Variants in ZNF217 observed in about 807,000 individuals in gnomAD.
The protein encoded by ZNF217 is zinc finger protein 217.
A neutral mutation model predicts 73.3 loss-of-function variants in ZNF217; 12 were observed. The observed-to-expected ratio is 0.16, with a 90% CI of 0.10 to 0.27. The LOEUF (loss-of-function observed/expected upper bound fraction) is 0.27, where lower values mean the gene tolerates loss of function less well. Among genes scored for constraint, ZNF217 ranks in the 10% least tolerant of loss-of-function variants. ZNF217 has a pLI of 1.00. For missense variants in ZNF217, 1,195 were observed against 1,327.8 expected, an observed-to-expected ratio of 0.90 and a Z score of 1.55; for synonymous variants, 588 against 516.4, an observed-to-expected ratio of 1.14 and a Z score of -1.88.
At chr20:53,595,073 C>T (rs1338002456), upstream of ZNF217, among the ~76,000 whole-genome samples, 20 of 148,654 alleles carry the variant, frequency 1.3e-4, no homozygotes, top group East Asian at 3.8e-3. Flanking sequence ...AAACCGCTAC[C>T]CTTTCCCCTC....
At chr20:53,571,598 G>T in intron 5 of ZNF217, 123 bp downstream of exon 5, 1 of 1,225,400 alleles carries the variant, frequency 8.2e-7, no homozygotes. Flanking sequence ...TACAGACAGG[G>T]GTTTCACCAT....
In ZNF217 at chr20:53,576,860, T is replaced by C; in HGVS notation, c.1904A>G (p.Gln635Arg). The C allele has an allele frequency of 2.5e-6, 4 of 1,614,210 alleles. No homozygotes were observed. Among genetic ancestry groups the C allele is most frequent in the South Asian group, 1.1e-5 (1 of 91,088 alleles). The change falls in exon 4 of 6, where the codon CAG becomes CGG. Residue 635 changes from glutamine to arginine, a missense_variant. This residue lies in a region of ZNF217 where 649 missense variants were observed against 642.8 expected (regional missense o/e 1.01). Coordinates refer to ENST00000371471, the MANE Select transcript of ZNF217 (RefSeq NM_006526.3). ...LLKKRSAVET[Q>R]ANNLICRTKA... ...GGTTCTACAGATGAGGTTATTTGCCTGAGTTTCAACTGCTGATCTCTTTTT... is the reference window on the plus strand; with the variant it reads ...GGTTCTACAGATGAGGTTATTTGCCCGAGTTTCAACTGCTGATCTCTTTTT...
upstream of ZNF217, among the ~76,000 whole-genome samples, chr20:53,597,083 C>CAAA (rs11483077): frequency 2.5e-5 from 3 of 120,788 alleles, no homozygotes; most frequent in East Asian, 2.2e-4. Flanking sequence ...AGTAACATAA[C>CAAA]AAAAAAAAAA....
intron 1 of ZNF217, among the ~76,000 whole-genome samples, chr20:53,593,029 A>AG (rs557162237): frequency 6.6e-6 from 1 of 151,538 alleles, no homozygotes; most frequent in Non-Finnish European, 1.5e-5. Flanking sequence ...AAATTAGAGG[A>AG]GGGAAAAAAA....
rs748715037 is a variant in ZNF217 at position 53,577,287 on chromosome 20, C to T, written c.1484-7G>A. The T allele has an allele frequency of 6.3e-6, 10 of 1,592,492 alleles. No individual in the cohort carries two copies. In the African/African-American group the frequency reaches 9.4e-5, roughly 15 times the overall value. On this transcript the variant is annotated splice_region_variant and splice_polypyrimidine_tract_variant and intron_variant, in intron 3 of 5. Coordinates refer to ENST00000371471, the MANE Select transcript of ZNF217 (RefSeq NM_006526.3). Reference sequence around the variant, plus strand: ...CATTTGTATGGTTTTTCACCTAAGGCAAGAAATGGCACTTTATTATAGAAG... The same window carrying T: ...CATTTGTATGGTTTTTCACCTAAGGTAAGAAATGGCACTTTATTATAGAAG...
chr20:53,594,745 C>G (rs573290042), upstream of ZNF217, among the ~76,000 whole-genome samples: 1,313 of 152,254 alleles, frequency 8.6e-3, 12 homozygotes, highest in Non-Finnish European at 0.014. Flanking sequence ...GCCCGCGGCC[C>G]GAACCCCTGG....
At chr20:53,586,352 A>G (rs1443543072) in intron 1 of ZNF217, among the ~76,000 whole-genome samples, 2 of 152,234 alleles carry the variant, frequency 1.3e-5, no homozygotes, top group Non-Finnish European at 2.9e-5. Flanking sequence ...CTACATGGCT[A>G]TCAGCGACTG....
chr20:53,577,299 C>T lies in ZNF217; in HGVS notation c.1484-19G>A, dbSNP rs1988320009. ...TTTTCACCTAAGGCAAGAAATGGCA[C>T]TTTATTATAGAAGTGTATGAAAAGC... On this transcript the variant is annotated intron_variant, in intron 3 of 5. Coordinates refer to ENST00000371471, the MANE Select transcript of ZNF217 (RefSeq NM_006526.3). 1 of 1,586,360 alleles carries T rather than the reference C, an allele frequency of 6.3e-7. No individual in the cohort carries two copies. The highest frequency in any genetic ancestry group is 1.7e-5 in the Admixed American group (1 of 58,516).
At chr20:53,583,672 C>A (rs1270789239) in intron 1 of ZNF217, among the ~76,000 whole-genome samples, 12 of 152,208 alleles carry the variant, frequency 7.9e-5, no homozygotes, top group African/African-American at 2.9e-4. Flanking sequence ...TGCCCAAACA[C>A]CCCCTTAGAG....
intron 5 of ZNF217, 58 bp from the exon 6 acceptor site, chr20:53,569,322 A>T: frequency 8.4e-7 from 1 of 1,188,366 alleles, no homozygotes; most frequent in Non-Finnish European, 1.1e-6. Context: ...AGTTTAGAAA[A>T]TTCTTTCTTT....
Position 53,576,686 on chromosome 20 carries a change from G to A in ZNF217, c.2078C>T (p.Ala693Val). 6.2e-7 allele frequency: 1 copy of A among 1,614,218 alleles called. No homozygotes were observed. Among genetic ancestry groups the A allele is most frequent in the Non-Finnish European group, 8.5e-7 (1 of 1,180,040 alleles). Reference protein sequence around the residue: ...HEKPLNLSVGALHNCPAISLS... With the variant: ...HEKPLNLSVGVLHNCPAISLS... ...AGAAATTGCCGGGCAATTGTGAAGA[G>A]CCCCCACGGATAAATTTAAAGGTTT... The change falls in exon 4 of 6, where the codon GCT (alanine) becomes GTT (valine). Residue 693 changes from alanine (A) to valine (V), a missense_variant. Around this residue, in one of 9 missense-constraint regions of ZNF217, gnomAD observed 649 missense variants for 642.8 expected, o/e 1.01. Coordinates refer to ENST00000371471, the MANE Select transcript of ZNF217 (RefSeq NM_006526.3).
intron 1 of ZNF217, among the ~76,000 whole-genome samples, chr20:53,591,336 A>G (rs1460095715): frequency 2.6e-5 from 4 of 152,246 alleles, no homozygotes; most frequent in African/African-American, 9.6e-5. Flanking sequence ...TAAAAGTCAT[A>G]TCTTGTCCTC....
At chr20:53,588,823 A>C (rs1988789083) in intron 1 of ZNF217, among the ~76,000 whole-genome samples, 1 of 152,154 alleles carries the variant, frequency 6.6e-6, no homozygotes, top group Admixed American at 6.5e-5. Flanking sequence ...CTACATACTA[A>C]AGTTGTATAT....
chr20:53,597,444 C>T (rs1398612452), upstream of ZNF217, among the ~76,000 whole-genome samples: 1 of 152,160 alleles, frequency 6.6e-6, no homozygotes, highest in Non-Finnish European at 1.5e-5. Flanking sequence ...ACAGGGACAG[C>T]CCTTTGAACA....
In ZNF217 at chr20:53,567,215, A is replaced by C. The variant is rs1465466157; in HGVS notation, c.*2073T>G. On this transcript the variant is annotated 3_prime_UTR_variant, in exon 6 of 6. Coordinates refer to ENST00000371471, the MANE Select transcript of ZNF217 (RefSeq NM_006526.3). The stretch of plus-strand genomic sequence containing the variant: ...AAATAAATCAAACTGGAATGAAATA[A>C]ATACATAAACAAAAATCCAACGAAT... The C allele has an allele frequency of 6.6e-6, 1 of 152,612 alleles. No individual in the cohort carries two copies. The highest frequency in any genetic ancestry group is 1.5e-5 in the Non-Finnish European group (1 of 68,038). The allele number at this position is 152,612 out of a possible 1,614,324, so 9.5% of individuals were successfully genotyped here. A position where few individuals can be genotyped will look rare whatever the true frequency, so the allele number is the denominator to read the frequency against.
In ZNF217 at chr20:53,576,481, C is replaced by T; in HGVS notation, c.2283G>A (p.Leu761=). Reference sequence around the variant, plus strand: ...TAGAGAGGGGAGGCACATCTTTTCCCAGCAACGCTGGCGGGCATCCGGTAC... The same window carrying T: ...TAGAGAGGGGAGGCACATCTTTTCCTAGCAACGCTGGCGGGCATCCGGTAC... ...SRRTGCPPAL[L]GKDVPPLSSF... The change falls in exon 4 of 6, where the codon CTG becomes CTA. Residue 761 remains leucine (L), a synonymous_variant. Coordinates refer to ENST00000371471, the MANE Select transcript of ZNF217 (RefSeq NM_006526.3). The T allele has an allele frequency of 6.2e-7, 1 of 1,614,232 alleles. No homozygotes were observed. Among genetic ancestry groups the T allele is most frequent in the African/African-American group, 1.3e-5 (1 of 75,060 alleles).
At chr20:53,596,955 A>T (rs1989050682), upstream of ZNF217, among the ~76,000 whole-genome samples, 1 of 152,094 alleles carries the variant, frequency 6.6e-6, no homozygotes, top group South Asian at 2.1e-4. Context: ...ATTTCCTAGT[A>T]TGCGCTTATA....
rs902825418 is a variant in ZNF217, at chr20:53,567,961, T to A, written c.*1327A>T. On this transcript the variant is annotated 3_prime_UTR_variant, in exon 6 of 6. Coordinates refer to ENST00000371471, the MANE Select transcript of ZNF217 (RefSeq NM_006526.3). ...ATATTTTGTGGTCACTAAGCCCATG[T>A]ACTAATAAACTCAGCCATGGACAGC... is the stretch of plus-strand genomic sequence containing the variant. 3.3e-5 allele frequency: 5 copies of A among 152,648 alleles called. No homozygotes were observed. Among genetic ancestry groups the A allele is most frequent in the African/African-American group, 1.2e-4 (5 of 41,450 alleles). 9.5% of individuals were successfully genotyped at this position (152,648 alleles called of 1,614,324 possible). A position where few individuals can be genotyped will look rare whatever the true frequency, so the allele number is the denominator to read the frequency against.
Position 53,578,414 on chromosome 20 carries a change from G to T in ZNF217, c.1403C>A (p.Thr468Lys), listed in dbSNP as rs146682558. 39 of 1,577,446 alleles carry T rather than the reference G, an allele frequency of 2.5e-5. No individual in the cohort carries two copies. The highest frequency in any genetic ancestry group is 3.3e-5 in the Non-Finnish European group (39 of 1,167,660). ...NDDGGKIKHLTSSRECSYCGK... is the reference protein window; with the variant it reads ...NDDGGKIKHLKSSRECSYCGK... ...ACAATAACTACACTCTCTTGAAGATGTAAGATGTTTTATTTTTCCTCCATC... is the reference window on the plus strand; with the variant it reads ...ACAATAACTACACTCTCTTGAAGATTTAAGATGTTTTATTTTTCCTCCATC... The change falls in exon 3 of 6, where the codon ACA (threonine) becomes AAA (lysine). Residue 468 changes from threonine (T) to lysine (K), a missense_variant. By Grantham distance (78) the Thr-to-Lys change is moderately conservative (BLOSUM62 -1). Around this residue, in one of 9 missense-constraint regions of ZNF217, gnomAD observed 116 missense variants for 121.9 expected, o/e 0.95. Transcript: ENST00000371471.
Sources: allele counts gnomAD v4.1 joint callset (sites outside exome capture counted in the v4.1 genomes callset), GRCh38; gene constraint gnomAD v4.1.1; regional missense constraint gnomAD v4.1.1; transcripts MANE v1.5; gene names NCBI Gene and HGNC (gene_info 2026-07-23, HGNC 2026-07-21).